The following PAM variants were observed in gnomAD, a reference collection of about 807,000 sequenced individuals.
PAM encodes the protein peptidyl-glycine alpha-amidating monooxygenase.
In PAM, 72 loss-of-function variants were observed where a neutral mutation model predicts 122.1. That is an observed-to-expected ratio of 0.59 (90% confidence interval 0.49 to 0.72). The LOEUF is 0.72. PAM is among the 30% of genes least tolerant of loss of function. The pLI is 0.00. For missense variants in PAM, 1,106 were observed against 1,183.7 expected (o/e 0.93, Z 0.96); for synonymous variants, 389 against 404.4 (o/e 0.96, Z 0.46).
chr5:102,987,499 A>G, intron 15 of PAM: 1 of 453,114 alleles, frequency 2.2e-6, no homozygotes, highest in Middle Eastern at 3.3e-4. Flanking sequence ...ACAACAATAT[A>G]TTGTCTATTT....
At chr5:102,972,928 A>G (rs1766359134) in intron 14 of PAM, among the ~76,000 whole-genome samples, 1 of 152,238 alleles carries the variant, frequency 6.6e-6, no homozygotes, top group Non-Finnish European at 1.5e-5. Context: ...TGTAAACATG[A>G]CAGAATCTCT....
intron 3 of PAM, among the ~76,000 whole-genome samples, chr5:102,888,496 C>A (rs76288297): frequency 6.6e-6 from 1 of 151,880 alleles, no homozygotes; most frequent in Admixed American, 6.6e-5. Flanking sequence ...AATCTAAATT[C>A]TCCTTATCTC....
chr5:102,894,936 A>G (rs551435850), intron 3 of PAM, among the ~76,000 whole-genome samples: 91 of 151,700 alleles, frequency 6.0e-4, no homozygotes, highest in African/African-American at 2.0e-3. Context: ...ATTTTTCTGA[A>G]TAGTTACATG....
chr5:103,023,034 TAAGTA>T (rs1784030750), intron 23 of PAM, among the ~76,000 whole-genome samples: 1 of 152,138 alleles, frequency 6.6e-6, no homozygotes, highest in Non-Finnish European at 1.5e-5. Flanking sequence ...TTGGACTGTT[TAAGTA>T]TTTTTAGTAG....
At chr5:102,845,241 G>C (rs1779685823) in intron 1 of PAM, among the ~76,000 whole-genome samples, 1 of 152,198 alleles carries the variant, frequency 6.6e-6, no homozygotes, top group Non-Finnish European at 1.5e-5. Context: ...ATGAGAGGAG[G>C]GGCACATGAA....
At chr5:102,954,547 A>C (rs1760097703) in intron 12 of PAM, among the ~76,000 whole-genome samples, 1 of 151,742 alleles carries the variant, frequency 6.6e-6, no homozygotes, top group Admixed American at 6.6e-5. Context: ...TTTAAATAGT[A>C]AATATGAATA....
chr5:102,974,125 AT>A lies in PAM; in HGVS notation c.1174del (p.Ser392HisfsTer7). 8 of 1,611,912 alleles carry A rather than the reference AT, an allele frequency of 5.0e-6. No homozygotes were observed. The highest frequency in any genetic ancestry group is 6.8e-6 in the Non-Finnish European group (8 of 1,178,382). On this transcript the variant is annotated frameshift_variant, in exon 15 of 26. Coordinates refer to ENST00000438793, the MANE Select transcript of PAM (RefSeq NM_001177306.2). LOFTEE classifies it high-confidence loss of function. ...TCTCTTTTTTCCACAGGTGATTTCTATTCACTACTTTCCAAGCTGCTAGGAG... is the reference window on the plus strand; with the variant it reads ...TCTCTTTTTTCCACAGGTGATTTCTATCACTACTTTCCAAGCTGCTAGGAG... The part of the protein sequence containing the change: ...EEEVLDQGDF[Y>X]SLLSKLLGER...
chr5:102,858,462 G>T (rs986283700), intron 1 of PAM, among the ~76,000 whole-genome samples: 19 of 152,128 alleles, frequency 1.2e-4, no homozygotes, highest in African/African-American at 4.6e-4. Flanking sequence ...CTACAACAAA[G>T]AATGGTTCAG....
At chr5:103,000,946 A>G (rs997134495) in intron 16 of PAM, among the ~76,000 whole-genome samples, 3 of 152,154 alleles carry the variant, frequency 2.0e-5, no homozygotes, top group Admixed American at 6.5e-5. Context: ...CTCTACATAA[A>G]TAGGAGAACA....
chr5:102,965,066 A>G (rs911854198), intron 14 of PAM, among the ~76,000 whole-genome samples: 7 of 151,774 alleles, frequency 4.6e-5, no homozygotes, highest in African/African-American at 1.7e-4. Context: ...AATAAACTAT[A>G]CAATAGACTC....
intron 15 of PAM, among the ~76,000 whole-genome samples, chr5:102,986,877 G>T (rs1284111949): frequency 6.6e-6 from 1 of 152,166 alleles, no homozygotes; most frequent in Non-Finnish European, 1.5e-5. Flanking sequence ...CAGCATATAA[G>T]ACATGCCTTT....
chr5:102,961,219 G>T lies in PAM; in HGVS notation c.1152G>T (p.Val384=), dbSNP rs779143883. 6.5e-6 allele frequency: 10 copies of T among 1,549,308 alleles called. No individual in the cohort carries two copies. In the Admixed American group the frequency reaches 1.7e-4, roughly 26 times the overall value. Residue 384 remains valine, a synonymous_variant, in exon 14 of 26, where the codon GTG becomes GTT. Transcript: ENST00000438793. ...LQQPKREEEE[V]LDQGDFYSLL... is the part of the protein sequence containing the mutation. The stretch of plus-strand genomic sequence containing the variant: ...AGCCAAAACGAGAAGAAGAAGAAGT[G>T]TTAGACCAGGGTATGTATGCTTATT...
intron 3 of PAM, among the ~76,000 whole-genome samples, chr5:102,870,339 G>C (rs1786991332): frequency 6.6e-6 from 1 of 152,090 alleles, no homozygotes; most frequent in Non-Finnish European, 1.5e-5. Context: ...GGCTTAGATA[G>C]AGAAACAAGC....
chr5:102,875,454 A>G (rs915460062), intron 3 of PAM, among the ~76,000 whole-genome samples: 1 of 152,160 alleles, frequency 6.6e-6, no homozygotes, highest in Non-Finnish European at 1.5e-5. Flanking sequence ...TCGGTCTCCC[A>G]AAGTGCTGGG....
At chr5:102,966,809 A>G (rs1046548861) in intron 14 of PAM, among the ~76,000 whole-genome samples, 2 of 152,192 alleles carry the variant, frequency 1.3e-5, no homozygotes, top group African/African-American at 4.8e-5. Flanking sequence ...CTCTCCTTAT[A>G]TTATAGAAAT....
At chr5:102,791,356 C>A (rs567121024) in intron 1 of PAM, among the ~76,000 whole-genome samples, 1 of 152,124 alleles carries the variant, frequency 6.6e-6, no homozygotes, top group South Asian at 2.1e-4. Context: ...TGAGAACACC[C>A]ATTTCCCAGC....
chr5:102,942,224 A>G (rs770326956), intron 7 of PAM, among the ~76,000 whole-genome samples: 29 of 152,184 alleles, frequency 1.9e-4, no homozygotes, highest in Non-Finnish European at 4.0e-4. Context: ...ATTTCCCTCA[A>G]CTTTAGAAAT....
At chr5:102,894,595 A>T (rs1303950865) in intron 3 of PAM, among the ~76,000 whole-genome samples, 1 of 151,664 alleles carries the variant, frequency 6.6e-6, no homozygotes, top group Non-Finnish European at 1.5e-5. Context: ...TTACATCTTT[A>T]GGCCAAGCCT....
chr5:102,816,467 T>C (rs1408814439), intron 1 of PAM, among the ~76,000 whole-genome samples: 1 of 152,120 alleles, frequency 6.6e-6, no homozygotes, highest in African/African-American at 2.4e-5. Context: ...GCATGTTGTT[T>C]CCATTTCTTT....
Sources: gnomAD v4.1 joint callset for allele counts (sites outside exome capture counted in the v4.1 genomes callset) on GRCh38, gnomAD v4.1.1 for gene constraint, MANE v1.5 for transcripts, NCBI Gene and HGNC (gene_info 2026-07-23, HGNC 2026-07-21) for gene names.